FHDC1: variants seen among roughly 807,000 people sequenced by gnomAD.
FHDC1 encodes the protein FH2 domain containing 1, also known as FH2 domain-containing protein 1.
A neutral mutation model predicts 52.6 loss-of-function variants in FHDC1; 25 were observed. The ratio of observed to expected loss-of-function variants is 0.48; its 90% CI spans 0.35 to 0.66. FHDC1 has a LOEUF of 0.66. Ranked by LOEUF, FHDC1 falls within the 30% of genes least tolerant of loss-of-function variation. FHDC1 has a pLI of 0.01. For synonymous variants in FHDC1, 616 were observed against 581.5 expected (o/e 1.06, Z -0.85); for missense variants, 1,459 against 1,452.8 (o/e 1.00, Z -0.07).
rs759095541 is a variant in FHDC1 at position 152,964,958 on chromosome 4, T to A, written c.1083T>A (p.His361Gln). 6.2e-7 allele frequency: 1 copy of A among 1,612,152 alleles called. No homozygotes were observed. The highest frequency in any genetic ancestry group is 1.7e-5 in the Admixed American group (1 of 59,686). ...ILLNFSEKLH[H>Q]VQKTARLSLE... is the part of the protein sequence containing the mutation. ...TAAACTTTTCAGAAAAATTGCATCA[T>A]GTTCAGAAGACTGCTAGGTGAGCAA... Residue 361 changes from histidine to glutamine, a missense_variant, in exon 9 of 12, where the codon CAT (histidine) becomes CAA (glutamine). Physicochemically the swap from His to Gln is conservative, Grantham distance 24. Transcript: ENST00000511601.
At chr4:152,931,391 T>C (rs891472529), upstream of FHDC1, among the ~76,000 whole-genome samples, 3 of 151,262 alleles carry the variant, frequency 2.0e-5, no homozygotes, top group Admixed American at 2.0e-4. Flanking sequence ...GTTTTCTGGG[T>C]GAAAGCTCAG....
At chr4:152,944,212 T>G (rs1303271775) in intron 2 of FHDC1, among the ~76,000 whole-genome samples, 2 of 152,200 alleles carry the variant, frequency 1.3e-5, no homozygotes, top group Non-Finnish European at 2.9e-5. Flanking sequence ...GCTATTAAAT[T>G]ACAGGAAGTT....
upstream of FHDC1, among the ~76,000 whole-genome samples, chr4:152,935,858 T>C (rs1739351837): frequency 6.6e-6 from 1 of 151,824 alleles, no homozygotes; most frequent in East Asian, 1.9e-4. Flanking sequence ...CGCGCGTGTA[T>C]ATAAGAGTGT....
upstream of FHDC1, among the ~76,000 whole-genome samples, chr4:152,936,084 C>A (rs1052026657): frequency 6.6e-6 from 1 of 152,010 alleles, no homozygotes; most frequent in African/African-American, 2.4e-5. Flanking sequence ...CCTTCGGGTG[C>A]GGGAAGCAGT....
intron 9 of FHDC1, 81 bp from the exon 10 acceptor site, chr4:152,967,899 A>C (rs1740511980): frequency 1.0e-6 from 1 of 997,154 alleles, no homozygotes; most frequent in Non-Finnish European, 1.5e-6. Flanking sequence ...AAGGTTGAAC[A>C]ACAGTTAGTC....
rs112307773 is a variant in FHDC1 at position 152,960,850 on chromosome 4, T to C, written c.850+6T>C. ...TTTAAGAACTGCTATAAAAGGTGAGTCAACATATGATCCTTCGCAGAATTT... is the reference window on the plus strand; with the variant it reads ...TTTAAGAACTGCTATAAAAGGTGAGCCAACATATGATCCTTCGCAGAATTT... On this transcript the variant is annotated splice_donor_region_variant and intron_variant, in intron 6 of 11. Transcript: ENST00000511601. 0.046 allele frequency: 72,357 copies of C among 1,560,862 alleles called. 1,966 individuals carry two copies. The highest frequency in any genetic ancestry group is 0.055 in the Non-Finnish European group (63,750 of 1,154,390).
At chr4:152,962,675 T>C (rs1244859191) in intron 6 of FHDC1, 139 bp from the exon 7 acceptor site, 1 of 648,502 alleles carries the variant, frequency 1.5e-6, no homozygotes, top group Non-Finnish European at 2.7e-6. Context: ...TGTATTGCTT[T>C]GTTTGTTTTT....
chr4:152,931,956 A>AC (rs1739261167), upstream of FHDC1, among the ~76,000 whole-genome samples: 1 of 124,946 alleles, frequency 8.0e-6, no homozygotes, highest in Non-Finnish European at 1.8e-5. Context: ...AAAAAAAAAA[A>AC]AAAAAAAACT....
intron 10 of FHDC1, among the ~76,000 whole-genome samples, chr4:152,971,086 T>C (rs548759857): frequency 1.3e-5 from 2 of 152,294 alleles, no homozygotes; most frequent in East Asian, 3.9e-4. Context: ...GGAAGCAACA[T>C]AGGCTAGGCT....
At chr4:152,938,732 G>A (rs1299144725) in intron 1 of FHDC1, among the ~76,000 whole-genome samples, 1 of 152,190 alleles carries the variant, frequency 6.6e-6, no homozygotes, top group African/African-American at 2.4e-5. Flanking sequence ...AAGGAGAAAG[G>A]TTTTCTGGCA....
chr4:152,955,309 G>C (rs963002446), intron 4 of FHDC1, among the ~76,000 whole-genome samples: 7 of 151,766 alleles, frequency 4.6e-5, no homozygotes, highest in African/African-American at 1.5e-4. Flanking sequence ...TTAGGAGCTT[G>C]ATAGAAAAAA....
At chr4:152,922,412 G>T in the FHDC1 span, among the ~76,000 whole-genome samples, 5 of 152,116 alleles carry the variant, frequency 3.3e-5, no homozygotes, top group East Asian at 3.9e-4. Context: ...ATTCACAGCC[G>T]AATTCTATCA....
At chr4:152,923,304 A>G in the FHDC1 span, among the ~76,000 whole-genome samples, 1 of 152,226 alleles carries the variant, frequency 6.6e-6, no homozygotes, top group South Asian at 2.1e-4. Context: ...CTTACAAGGG[A>G]CGTGAAGGAC....
chr4:152,957,665 A>G (rs1364443659), intron 4 of FHDC1, among the ~76,000 whole-genome samples: 3 of 152,174 alleles, frequency 2.0e-5, no homozygotes, highest in African/African-American at 7.2e-5. Flanking sequence ...TAATACTGTA[A>G]TCTTATCAGC....
the FHDC1 span, among the ~76,000 whole-genome samples, chr4:152,930,997 A>ACACACACACTCT: frequency 4.4e-3 from 503 of 113,222 alleles, 2 homozygotes; most frequent in African/African-American, 0.016. Flanking sequence ...ACACACACAC[A>ACACACACACTCT]CTCTCTCTCT....
Position 152,972,525 on chromosome 4 carries a change from T to A in FHDC1, c.1367T>A (p.Phe456Tyr). ...ATATTTAGAGATTTCTGTACCAAAT[T>A]CAACAAAGCAGTTAAGGTACATCTG... ...FQIFRDFCTK[F>Y]NKAVKDNHDR... is the part of the protein sequence containing the mutation. The change falls in exon 11 of 12, where the codon TTC (phenylalanine) becomes TAC (tyrosine). Residue 456 changes from phenylalanine (F) to tyrosine (Y), a missense_variant. Phe to Tyr is a conservative substitution (Grantham distance 22, BLOSUM62 3). Transcript: ENST00000511601. 6.2e-7 allele frequency: 1 copy of A among 1,605,922 alleles called. No individual in the cohort carries two copies. Among genetic ancestry groups the A allele is most frequent in the Middle Eastern group, 1.7e-4 (1 of 5,996 alleles).
chr4:152,917,974 A>C, the FHDC1 span, among the ~76,000 whole-genome samples: 1 of 152,348 alleles, frequency 6.6e-6, no homozygotes, highest in East Asian at 1.9e-4. Flanking sequence ...CTAATGACAA[A>C]ATTTTGTGTG....
Position 152,968,010 on chromosome 4 carries a change from G to C in FHDC1, c.1131G>C (p.Leu377=). Residue 377 remains leucine, a synonymous_variant, in exon 10 of 12, where the codon CTG becomes CTC. Coordinates refer to ENST00000511601, the MANE Select transcript of FHDC1 (RefSeq NM_001371116.1). ...CTCTGGAGAACACGGAGGCAGAACT[G>C]CACTTGCTGTTTGTCAGGACAAAAT... ...RLSLENTEAE[L]HLLFVRTKSL... 6.2e-7 allele frequency: 1 copy of C among 1,613,740 alleles called. No individual in the cohort carries two copies.
chr4:152,960,575 T>C lies in FHDC1; in HGVS notation c.674T>C (p.Leu225Ser), dbSNP rs1006151658. The C allele has an allele frequency of 6.2e-7, 1 of 1,614,060 alleles. No homozygotes were observed. The highest frequency in any genetic ancestry group is 8.5e-7 in the Non-Finnish European group (1 of 1,179,960). ...FLPESEEVKK[L>S]KAFSGDVSKL... is the part of the protein sequence containing the mutation. ...CCATTTGTCTTTTAGGTAAAGAAGT[T>C]AAAAGCGTTTAGTGGCGACGTGTCG... The change falls in exon 5 of 12, where the codon TTA (leucine) becomes TCA (serine). Residue 225 changes from leucine to serine, a missense_variant. This residue lies in a region of FHDC1 where 513 missense variants were observed against 581.5 expected (regional missense o/e 0.88). Coordinates refer to ENST00000511601, the MANE Select transcript of FHDC1 (RefSeq NM_001371116.1).
Sources: allele counts gnomAD v4.1 joint callset (sites outside exome capture counted in the v4.1 genomes callset), GRCh38; gene constraint gnomAD v4.1.1; regional missense constraint gnomAD v4.1.1; transcripts MANE v1.5; gene names NCBI Gene and HGNC (gene_info 2026-07-23, HGNC 2026-07-21).